NUP210L: variants seen among roughly 807,000 people sequenced by gnomAD.
NUP210L encodes the protein nucleoporin 210 like.
NUP210L carries 74 observed loss-of-function variants against 208.5 expected under a neutral mutation model. The observed-to-expected ratio is 0.35, with a 90% confidence interval of 0.29 to 0.43. The LOEUF is 0.43. Ranked by LOEUF, NUP210L falls within the 20% of genes least tolerant of loss-of-function variation. The pLI is 1.00. For missense variants in NUP210L, 1,843 were observed against 2,289.4 expected (o/e 0.81, Z 3.98); for synonymous variants, 780 against 816.9 (o/e 0.95, Z 0.77).
chr1:153,995,484 C>T (rs1465391618), intron 37 of NUP210L: 8 of 568,558 alleles, frequency 1.4e-5, no homozygotes, highest in Non-Finnish European at 2.5e-5. Flanking sequence ...TTGACTTCTT[C>T]CTATCTCCAG....
At chr1:154,101,044 T>C (rs1656445341) in intron 13 of NUP210L, among the ~76,000 whole-genome samples, 1 of 150,272 alleles carries the variant, frequency 6.7e-6, no homozygotes, top group South Asian at 2.1e-4. Flanking sequence ...TGGCGGTGCA[T>C]ACCTGTAATC....
At chr1:154,076,102 C>CTTTTTTTTTTTTTTTTTTT (rs60524355) in intron 16 of NUP210L, among the ~76,000 whole-genome samples, 1 of 117,940 alleles carries the variant, frequency 8.5e-6, no homozygotes, top group Non-Finnish European at 1.7e-5. Context: ...ACAAAGACTT[C>CTTTTTTTTTTTTTTTTTTT]TTTTTTTTTT....
At chr1:154,080,399 C>T (rs889393993) in intron 16 of NUP210L, among the ~76,000 whole-genome samples, 13 of 150,394 alleles carry the variant, frequency 8.6e-5, no homozygotes, top group South Asian at 4.2e-4. Flanking sequence ...AATGACTGGG[C>T]GCAGTGGCTC....
At chr1:154,040,267 T>A (rs1652794939) in intron 27 of NUP210L, among the ~76,000 whole-genome samples, 1 of 151,926 alleles carries the variant, frequency 6.6e-6, no homozygotes, top group South Asian at 2.1e-4. Context: ...GAGCTGGGTG[T>A]AGTGGTACAC....
intron 21 of NUP210L, 71 bp from the exon 22 acceptor site, chr1:154,058,287 G>A: frequency 6.6e-7 from 1 of 1,511,402 alleles, no homozygotes; most frequent in Non-Finnish European, 9.0e-7. Flanking sequence ...CTCTTAGAGG[G>A]CAGTGTACTT....
At chr1:154,019,959 G>A (rs941139745) in intron 32 of NUP210L, among the ~76,000 whole-genome samples, 1 of 151,768 alleles carries the variant, frequency 6.6e-6, no homozygotes, top group Non-Finnish European at 1.5e-5. Context: ...AAAAAGAGAG[G>A]GTAAAAAATA....
chr1:154,073,811 T>C (rs535139537), intron 16 of NUP210L, among the ~76,000 whole-genome samples: 2 of 102,490 alleles, frequency 2.0e-5, no homozygotes, highest in Non-Finnish European at 4.1e-5. Context: ...TGAGACTCTG[T>C]CTCAATAAAT....
chr1:154,081,592 G>A lies in NUP210L; in HGVS notation c.2361+7829C>T, dbSNP rs554429129. The stretch of plus-strand genomic sequence containing the variant: ...AGGTGATAGCAGCCCCACCTCCAGG[G>A]AAAAGAGGAGGGCTGGTGATGGAGT... On this transcript the variant is annotated intron_variant, in intron 16 of 39. Coordinates refer to ENST00000368559, the Ensembl canonical transcript of NUP210L. 1.2e-4 allele frequency among the ~76,000 whole-genome samples: 19 copies of A among 152,320 alleles called. No individual in the cohort carries two copies. The South Asian group carries it at 2.5e-3, about 20-fold the overall frequency.
intron 6 of NUP210L, among the ~76,000 whole-genome samples, chr1:154,136,594 G>A (rs956248279): frequency 3.3e-5 from 5 of 151,748 alleles, no homozygotes; most frequent in Non-Finnish European, 5.9e-5. Context: ...AAAGATTAAC[G>A]TTAATGGAGC....
At chr1:154,000,882 C>T in exon 37 of NUP210L, 1 of 1,614,054 alleles carries the variant, frequency 6.2e-7, no homozygotes, top group South Asian at 1.1e-5. Flanking sequence ...TTTCATAGCC[C>T]TCACTACCAC....
chr1:154,008,439 T>C (rs1179264287), intron 35 of NUP210L, among the ~76,000 whole-genome samples: 1 of 152,060 alleles, frequency 6.6e-6, no homozygotes, highest in African/African-American at 2.4e-5. Flanking sequence ...CTGGGCACGG[T>C]GTCTAACGCC....
chr1:154,143,664 A>G, intron 2 of NUP210L, 87 bp from the exon 3 acceptor site: 1 of 1,178,438 alleles, frequency 8.5e-7, no homozygotes, highest in Non-Finnish European at 1.2e-6. Context: ...TATTCTAAAG[A>G]TTATGAAAAA....
intron 7 of NUP210L, among the ~76,000 whole-genome samples, chr1:154,135,373 ATTCT>A: frequency 6.6e-6 from 1 of 152,200 alleles, no homozygotes; most frequent in East Asian, 1.9e-4. Flanking sequence ...ATAACTTATA[ATTCT>A]TTATTAAAAA....
At chr1:154,083,210 G>A (rs1452412691) in intron 16 of NUP210L, among the ~76,000 whole-genome samples, 1 of 152,150 alleles carries the variant, frequency 6.6e-6, no homozygotes, top group Non-Finnish European at 1.5e-5. Context: ...ATTTTACAGA[G>A]TGCTGATTGG....
intron 3 of NUP210L, among the ~76,000 whole-genome samples, chr1:154,141,984 AC>A (rs1658873330): frequency 6.6e-6 from 1 of 152,044 alleles, no homozygotes; most frequent in Non-Finnish European, 1.5e-5. Flanking sequence ...CAACATAGTG[AC>A]ACCTGGTCTG....
intron 16 of NUP210L, among the ~76,000 whole-genome samples, chr1:154,083,186 CTGCTGATTGGTCCATTTTACAGAG>C (rs1197158108): frequency 2.6e-5 from 4 of 152,196 alleles, no homozygotes; most frequent in African/African-American, 4.8e-5. Flanking sequence ...CGCCCACATC[CTGCTGATTGGTCCATTTTACAGAG>C]TGCTGATTGG....
chr1:154,046,989 C>T (rs183551972), intron 25 of NUP210L, among the ~76,000 whole-genome samples: 125 of 152,064 alleles, frequency 8.2e-4, no homozygotes, highest in Middle Eastern at 3.4e-3. Context: ...ATCCGGGAGG[C>T]GGAGGTTGCA....
intron 17 of NUP210L, among the ~76,000 whole-genome samples, chr1:154,066,015 C>T (rs968475886): frequency 1.2e-4 from 18 of 152,048 alleles, no homozygotes; most frequent in African/African-American, 4.3e-4. Context: ...CAACCTGCTC[C>T]TGAATGACTA....
At chr1:154,012,362 G>T (rs1333543952) in exon 34 of NUP210L, 7 of 1,611,558 alleles carry the variant, frequency 4.3e-6, no homozygotes, top group Admixed American at 1.7e-5. Flanking sequence ...ATGATGCATT[G>T]ACCACCACCT....
Sources: gnomAD v4.1 joint callset for allele counts (sites outside exome capture counted in the v4.1 genomes callset) on GRCh38, gnomAD v4.1.1 for gene constraint, MANE v1.5 for transcripts, NCBI Gene and HGNC (gene_info 2026-07-23, HGNC 2026-07-21) for gene names.